QTMAN: variants seen among roughly 807,000 people sequenced by gnomAD.
QTMAN encodes the protein queuosine-tRNA mannosyltransferase, also known as tRNA-queuosine alpha-mannosyltransferase.
the QTMAN span, among the ~76,000 whole-genome samples, chr2:144,072,671 A>C: frequency 6.6e-6 from 1 of 152,178 alleles, no homozygotes; most frequent in Non-Finnish European, 1.5e-5. Flanking sequence ...GAAATCCACA[A>C]CACAGAATCA....
chr2:144,288,455 G>A, the QTMAN span, among the ~76,000 whole-genome samples: 2 of 151,984 alleles, frequency 1.3e-5, no homozygotes, highest in Non-Finnish European at 2.9e-5. Flanking sequence ...AATCTAATAC[G>A]TTTTCAGAGC....
At chr2:144,028,162 G>C in the QTMAN span, among the ~76,000 whole-genome samples, 40 of 152,232 alleles carry the variant, frequency 2.6e-4, no homozygotes, top group South Asian at 8.3e-3. Context: ...GTCATTAACA[G>C]AGCAACCACA....
the QTMAN span, among the ~76,000 whole-genome samples, chr2:144,313,026 T>A: frequency 6.6e-6 from 1 of 152,186 alleles, no homozygotes; most frequent in Non-Finnish European, 1.5e-5. Context: ...AAGGTGCCAC[T>A]GCAGCACAAG....
the QTMAN span, among the ~76,000 whole-genome samples, chr2:143,989,588 C>T: frequency 2.6e-5 from 4 of 152,138 alleles, no homozygotes; most frequent in Non-Finnish European, 5.9e-5. Flanking sequence ...TGAATAAACG[C>T]ACTGAGCTGG....
At chr2:144,215,382 C>A in the QTMAN span, among the ~76,000 whole-genome samples, 6 of 151,902 alleles carry the variant, frequency 3.9e-5, no homozygotes, top group African/African-American at 1.4e-4. Flanking sequence ...TAAAACTCCA[C>A]AAGCATCAAA....
the QTMAN span, among the ~76,000 whole-genome samples, chr2:143,988,294 A>C: frequency 6.6e-6 from 1 of 152,190 alleles, no homozygotes; most frequent in African/African-American, 2.4e-5. Context: ...ACTGGCATGA[A>C]TCATGCAACC....
the QTMAN span, among the ~76,000 whole-genome samples, chr2:144,037,032 T>C: frequency 6.6e-5 from 10 of 152,322 alleles, no homozygotes; most frequent in South Asian, 1.7e-3. Flanking sequence ...CAGTCACATA[T>C]TTTATGATTC....
At chr2:144,087,120 A>G in the QTMAN span, among the ~76,000 whole-genome samples, 1 of 152,144 alleles carries the variant, frequency 6.6e-6, no homozygotes, top group Non-Finnish European at 1.5e-5. Flanking sequence ...AGAAGTACCA[A>G]ATTATGAGTA....
the QTMAN span, among the ~76,000 whole-genome samples, chr2:144,285,867 T>C: frequency 0.058 from 8,775 of 152,172 alleles, 367 homozygotes; most frequent in South Asian, 0.16. Flanking sequence ...ACCACAGCAA[T>C]ATTCCCAGTC....
the QTMAN span, among the ~76,000 whole-genome samples, chr2:144,235,190 A>G: frequency 6.6e-6 from 1 of 152,294 alleles, no homozygotes; most frequent in Admixed American, 6.5e-5. Context: ...TCAACAAGGA[A>G]TATGAGGCAA....
the QTMAN span, among the ~76,000 whole-genome samples, chr2:144,090,181 C>G: frequency 6.6e-6 from 1 of 151,972 alleles, no homozygotes; most frequent in Non-Finnish European, 1.5e-5. Flanking sequence ...CCTGATAAAA[C>G]TCTCAGTGCA....
chr2:144,142,152 C>G, the QTMAN span: 2 of 759,264 alleles, frequency 2.6e-6, no homozygotes, highest in Non-Finnish European at 4.2e-6. Context: ...AGAGTTTATA[C>G]TACACCTTAG....
chr2:144,278,541 CT>C, the QTMAN span, among the ~76,000 whole-genome samples: 1,590 of 137,602 alleles, frequency 0.012, 7 homozygotes, highest in African/African-American at 0.016. Flanking sequence ...TGTTTTCCTT[CT>C]TTTTTTTTTT....
the QTMAN span, among the ~76,000 whole-genome samples, chr2:144,296,279 A>G: frequency 5.9e-5 from 9 of 152,370 alleles, no homozygotes; most frequent in Non-Finnish European, 1.3e-4. Flanking sequence ...AACTAAAATC[A>G]TGTCATTTAT....
chr2:144,264,164 C>T, the QTMAN span, among the ~76,000 whole-genome samples: 5 of 151,858 alleles, frequency 3.3e-5, no homozygotes, highest in Non-Finnish European at 5.9e-5. Context: ...AAACACAAAG[C>T]GGATAAATTA....
At chr2:144,319,995 G>T in the QTMAN span, 12 of 152,166 alleles carry the variant, frequency 7.9e-5, no homozygotes, top group African/African-American at 2.9e-4. Flanking sequence ...ACTATTGCCT[G>T]GGCACTAAAA....
the QTMAN span, among the ~76,000 whole-genome samples, chr2:144,327,570 T>C: frequency 6.6e-6 from 1 of 152,156 alleles, no homozygotes; most frequent in Non-Finnish European, 1.5e-5. Flanking sequence ...ACTGGATGAA[T>C]CCAGGGTGTC....
chr2:144,167,590 T>C, the QTMAN span, among the ~76,000 whole-genome samples: 1 of 152,060 alleles, frequency 6.6e-6, no homozygotes, highest in African/African-American at 2.4e-5. Context: ...ATCTGATGGT[T>C]TTATGAGTAT....
chr2:144,036,380 C>A, the QTMAN span, among the ~76,000 whole-genome samples: 1 of 152,078 alleles, frequency 6.6e-6, no homozygotes, highest in Non-Finnish European at 1.5e-5. Context: ...TATTAATTGA[C>A]AAAAGAATAT....
Sources: gnomAD v4.1 joint callset for allele counts (sites outside exome capture counted in the v4.1 genomes callset) on GRCh38, gnomAD v4.1.1 for gene constraint, MANE v1.5 for transcripts, NCBI Gene and HGNC (gene_info 2026-07-23, HGNC 2026-07-21) for gene names.